CSMD1: variants seen among roughly 807,000 people sequenced by gnomAD.
The protein encoded by CSMD1 is CUB and Sushi multiple domains 1.
Under a neutral mutation model 417.5 loss-of-function variants are expected in CSMD1, and 213 were observed. The ratio of observed to expected loss-of-function variants is 0.51; its 90% CI spans 0.46 to 0.57. CSMD1 has a LOEUF of 0.57. CSMD1 is among the 20% of genes least tolerant of loss of function. CSMD1 has a pLI of 0.00. For synonymous variants in CSMD1, 2,862 were observed against 1,736.8 expected (o/e 1.65, Z -16.11); for missense variants, 6,923 against 4,529.7 (o/e 1.53, Z -15.17).
intron 49 of CSMD1, among the ~76,000 whole-genome samples, chr8:3,064,468 T>G (rs540510307): frequency 7.9e-4 from 120 of 152,326 alleles, no homozygotes; most frequent in African/African-American, 2.7e-3. Flanking sequence ...CCAGCCACGT[T>G]TCCTGTACAG....
intron 10 of CSMD1, among the ~76,000 whole-genome samples, chr8:3,532,893 T>G (rs1392105132): frequency 6.6e-6 from 1 of 152,210 alleles, no homozygotes; most frequent in African/African-American, 2.4e-5. Flanking sequence ...TTTTAATCAA[T>G]AGTAAATCAT....
chr8:4,242,733 C>T (rs552482238), intron 3 of CSMD1, among the ~76,000 whole-genome samples: 3 of 152,200 alleles, frequency 2.0e-5, no homozygotes, highest in South Asian at 4.1e-4. Flanking sequence ...TTGAGTGGCT[C>T]TCCTGCAGGG....
At chr8:4,582,652 G>C (rs909692682) in intron 2 of CSMD1, among the ~76,000 whole-genome samples, 8 of 152,224 alleles carry the variant, frequency 5.3e-5, no homozygotes, top group African/African-American at 1.9e-4. Context: ...ATAGTGAGAG[G>C]TGACAGCAGG....
At chr8:4,544,118 T>G (rs1460534117) in intron 2 of CSMD1, among the ~76,000 whole-genome samples, 1 of 152,184 alleles carries the variant, frequency 6.6e-6, no homozygotes, top group Non-Finnish European at 1.5e-5. Flanking sequence ...GGTTCTTAAT[T>G]TGCATAAAGT....
chr8:3,282,481 A>T (rs1334326670), intron 26 of CSMD1, among the ~76,000 whole-genome samples: 1 of 152,248 alleles, frequency 6.6e-6, no homozygotes, highest in East Asian at 1.9e-4. Context: ...AATAAGGCCA[A>T]TGAATCACAA....
At chr8:4,596,424 A>T (rs1422423100) in intron 2 of CSMD1, among the ~76,000 whole-genome samples, 1 of 152,190 alleles carries the variant, frequency 6.6e-6, no homozygotes, top group African/African-American at 2.4e-5. Context: ...ATTCATTTCT[A>T]AACAAATATA....
intron 2 of CSMD1, among the ~76,000 whole-genome samples, chr8:4,434,276 G>C (rs1798029152): frequency 6.6e-6 from 1 of 152,172 alleles, no homozygotes; most frequent in Non-Finnish European, 1.5e-5. Flanking sequence ...TGAGGCAAGA[G>C]AATTGCTTGA....
At chr8:4,535,085 C>G (rs964003736) in intron 2 of CSMD1, among the ~76,000 whole-genome samples, 2 of 152,112 alleles carry the variant, frequency 1.3e-5, no homozygotes, top group African/African-American at 4.8e-5. Context: ...TGTGTTTTCT[C>G]TCTTATAGGA....
chr8:4,717,375 A>G (rs1808735151), intron 1 of CSMD1, among the ~76,000 whole-genome samples: 1 of 140,916 alleles, frequency 7.1e-6, no homozygotes, highest in African/African-American at 3.0e-5. Context: ...ACATATATAT[A>G]CACACACACA....
At chr8:4,339,442 T>C (rs1800353455) in intron 3 of CSMD1, among the ~76,000 whole-genome samples, 1 of 152,132 alleles carries the variant, frequency 6.6e-6, no homozygotes, top group Non-Finnish European at 1.5e-5. Flanking sequence ...GGCTGGTGTT[T>C]GAATCAGCTG....
chr8:3,494,235 T>A (rs532361083), intron 10 of CSMD1, among the ~76,000 whole-genome samples: 86 of 151,962 alleles, frequency 5.7e-4, no homozygotes, highest in African/African-American at 1.5e-3. Flanking sequence ...GCCTGTAAGT[T>A]TTTTGTTTGT....
intron 2 of CSMD1, among the ~76,000 whole-genome samples, chr8:4,587,423 G>T (rs367932250): frequency 2.3e-5 from 2 of 85,946 alleles, no homozygotes; most frequent in Admixed American, 2.1e-4. Context: ...ATATGTACAT[G>T]TATATGTGGA....
intron 25 of CSMD1, among the ~76,000 whole-genome samples, chr8:3,296,669 G>C (rs1179351797): frequency 6.6e-6 from 1 of 152,176 alleles, no homozygotes; most frequent in Admixed American, 6.5e-5. Context: ...GCACTGGTCA[G>C]GTCCTGGATA....
In CSMD1 at chr8:3,312,365, C is replaced by T. The variant is rs539396597; in HGVS notation, c.3632-3862G>A. Among the ~76,000 whole-genome samples the T allele has an allele frequency of 2.1e-3, 313 of 152,250 alleles. 2 individuals are homozygous for T. Among genetic ancestry groups the T allele is most frequent in the African/African-American group, 7.0e-3 (291 of 41,548 alleles). The stretch of plus-strand genomic sequence containing the variant: ...GTTTTTGCAAAAGATCACTTAAGAC[C>T]TTGACAGCATCATTAAATTTATTAT... On this transcript the variant is annotated intron_variant, in intron 23 of 69. Transcript: ENST00000635120.
At chr8:3,757,161 T>C (rs34493359) in intron 5 of CSMD1, among the ~76,000 whole-genome samples, 76,971 of 151,930 alleles carry the variant, frequency 0.51, 19,757 homozygotes, top group African/African-American at 0.57. Context: ...ATCCCCTCTC[T>C]ACCACCACCT....
At chr8:3,854,644 G>C (rs1804166759) in intron 5 of CSMD1, among the ~76,000 whole-genome samples, 1 of 151,732 alleles carries the variant, frequency 6.6e-6, no homozygotes, top group Admixed American at 6.6e-5. Context: ...TTATGATATA[G>C]AATCTGGACA....
intron 2 of CSMD1, among the ~76,000 whole-genome samples, chr8:4,600,660 G>A (rs1243942472): frequency 1.3e-5 from 2 of 152,114 alleles, no homozygotes; most frequent in Non-Finnish European, 2.9e-5. Context: ...GTTTAGATAA[G>A]AAATTGACAA....
intron 1 of CSMD1, among the ~76,000 whole-genome samples, chr8:4,772,381 T>G (rs993032573): frequency 6.6e-6 from 1 of 152,184 alleles, no homozygotes; most frequent in Non-Finnish European, 1.5e-5. Context: ...CTTTGAGGAC[T>G]TGAGTGGTTA....
chr8:3,302,471 A>G (rs979785819), intron 25 of CSMD1, among the ~76,000 whole-genome samples: 1 of 152,006 alleles, frequency 6.6e-6, no homozygotes, highest in Non-Finnish European at 1.5e-5. Flanking sequence ...TTTATGTGTG[A>G]TTTGAGTTTC....
Sources: allele counts gnomAD v4.1 joint callset (sites outside exome capture counted in the v4.1 genomes callset), GRCh38; gene constraint gnomAD v4.1.1; transcripts MANE v1.5; gene names NCBI Gene and HGNC (gene_info 2026-07-23, HGNC 2026-07-21).